Variants in SLC2A9 observed in about 807,000 individuals in gnomAD.
SLC2A9 encodes solute carrier family 2 member 9.
A neutral mutation model predicts 50.6 loss-of-function variants in SLC2A9; 39 were observed. That is an observed-to-expected ratio of 0.77 (90% CI 0.60 to 1.01). The LOEUF is 1.01. Among genes scored for constraint, SLC2A9 ranks in the 50% least tolerant of loss-of-function variants. The pLI is 0.00. For synonymous variants in SLC2A9, 324 were observed against 276.9 expected, an observed-to-expected ratio of 1.17 and a Z score of -1.69; for missense variants, 686 against 677.6, an observed-to-expected ratio of 1.01 and a Z score of -0.14.
chr4:10,033,431 C>A (rs943130460), intron 1 of SLC2A9, among the ~76,000 whole-genome samples: 7 of 152,162 alleles, frequency 4.6e-5, no homozygotes, highest in Non-Finnish European at 7.3e-5. Context: ...CACACTCAAC[C>A]CTCAAAACTT....
intron 7 of SLC2A9, among the ~76,000 whole-genome samples, chr4:9,913,425 G>A (rs1742256673): frequency 6.6e-6 from 1 of 151,956 alleles, no homozygotes; most frequent in Non-Finnish European, 1.5e-5. Context: ...CACAGAGGTG[G>A]CCGCCACAGA....
intron 1 of SLC2A9, among the ~76,000 whole-genome samples, chr4:10,028,484 C>T (rs760837700): frequency 6.0e-4 from 92 of 152,290 alleles, no homozygotes; most frequent in Non-Finnish European, 3.7e-4. Flanking sequence ...TGAGCTCAGG[C>T]GACTGAGTTA....
At chr4:9,890,491 C>T (rs780289392) in intron 9 of SLC2A9, 119 bp downstream of exon 9, 2 of 963,978 alleles carry the variant, frequency 2.1e-6, no homozygotes, top group Admixed American at 2.0e-5. Flanking sequence ...CCGGGGAGAG[C>T]TTTATCACAA....
At chr4:9,818,535 G>A (rs1723951176) in intron 3 of SLC2A9, among the ~76,000 whole-genome samples, 1 of 152,218 alleles carries the variant, frequency 6.6e-6, no homozygotes, top group South Asian at 2.1e-4. Context: ...GGAGTCAGTG[G>A]ATGGAAAATT....
At chr4:9,884,758 T>C (rs1021066694) in intron 10 of SLC2A9, among the ~76,000 whole-genome samples, 2 of 152,018 alleles carry the variant, frequency 1.3e-5, no homozygotes, top group African/African-American at 2.4e-5. Context: ...AGCAAAGACA[T>C]AGAATCAACC....
intron 2 of SLC2A9, among the ~76,000 whole-genome samples, chr4:10,016,349 C>T (rs1437583252): frequency 5.3e-5 from 8 of 152,184 alleles, no homozygotes; most frequent in Non-Finnish European, 5.9e-5. Context: ...CAGTGTGCCT[C>T]AGTTTCGTCA....
At chr4:9,859,068 C>A (rs1731192255) in intron 10 of SLC2A9, among the ~76,000 whole-genome samples, 1 of 152,208 alleles carries the variant, frequency 6.6e-6, no homozygotes, top group Non-Finnish European at 1.5e-5. Context: ...GAAGGGTGCA[C>A]TGTCGGCTTC....
intron 3 of SLC2A9, among the ~76,000 whole-genome samples, chr4:9,816,959 G>C (rs921367485): frequency 1.3e-5 from 2 of 152,142 alleles, no homozygotes; most frequent in South Asian, 2.1e-4. Context: ...ATCTTTAGGG[G>C]ATAATACATT....
intron 10 of SLC2A9, among the ~76,000 whole-genome samples, chr4:9,842,777 G>C (rs1415898296): frequency 6.6e-6 from 1 of 152,114 alleles, no homozygotes; most frequent in African/African-American, 2.4e-5. Flanking sequence ...TTATGTATGT[G>C]GGTCCACTCA....
Position 10,019,025 on chromosome 4 carries a change from AGCCGAAGGC to A in SLC2A9, c.190_198del (p.Ala64_Gly66del). ...AGGTTGTAGCCGTAGAGGAAGGAGG[AGCCGAAGGC>A]GCCCGCGAGGGAGGCCACGAGGAGC... is the stretch of plus-strand genomic sequence containing the variant. On this transcript the variant is annotated inframe_deletion, in exon 2 of 12. Coordinates refer to ENST00000264784, the MANE Select transcript of SLC2A9 (RefSeq NM_020041.3). 6.4e-7 allele frequency: 1 copy of A among 1,550,814 alleles called. No homozygotes were observed. Among genetic ancestry groups the A allele is most frequent in the South Asian group, 1.2e-5 (1 of 84,026 alleles).
intron 10 of SLC2A9, among the ~76,000 whole-genome samples, chr4:9,868,447 C>T (rs978468625): frequency 7.9e-5 from 12 of 152,224 alleles, no homozygotes; most frequent in Admixed American, 5.2e-4. Flanking sequence ...TTTAAAGCAT[C>T]CAGCTAACCA....
intron 3 of SLC2A9, chr4:9,782,315 C>T (rs1458173633): frequency 2.5e-6 from 4 of 1,614,028 alleles, no homozygotes; most frequent in East Asian, 2.2e-5. Context: ...GCTGGTCATG[C>T]CCTGGAAGGC....
chr4:9,857,058 CA>C (rs1730839504), intron 10 of SLC2A9, among the ~76,000 whole-genome samples: 1 of 152,140 alleles, frequency 6.6e-6, no homozygotes, highest in Non-Finnish European at 1.5e-5. Flanking sequence ...ACTCCTGTAA[CA>C]TGCAATTTAC....
At chr4:9,806,164 C>T (rs1382087257) in intron 3 of SLC2A9, among the ~76,000 whole-genome samples, 1 of 152,202 alleles carries the variant, frequency 6.6e-6, no homozygotes, top group East Asian at 1.9e-4. Flanking sequence ...TCAACTGGCC[C>T]CAAAACTGGC....
intron 8 of SLC2A9, among the ~76,000 whole-genome samples, chr4:9,899,130 G>A (rs1739133014): frequency 6.6e-6 from 1 of 152,218 alleles, no homozygotes; most frequent in Non-Finnish European, 1.5e-5. Context: ...GCTGGGGCAA[G>A]ATGTGGCCCA....
rs138027354 is a variant in SLC2A9, at chr4:9,921,779, A to G, written c.815-1207T>C. Reference sequence around the variant, plus strand: ...AATGTTTCTGTTTCATGCATTAAGTATAATATTTCTACTGTTTCCTCAAAG... The same window carrying G: ...AATGTTTCTGTTTCATGCATTAAGTGTAATATTTCTACTGTTTCCTCAAAG... On this transcript the variant is annotated intron_variant, in intron 6 of 11. Transcript: ENST00000264784. Among the ~76,000 whole-genome samples, 705 of 152,364 alleles carry G rather than the reference A, an allele frequency of 4.6e-3. 8 individuals are homozygous for G. Among genetic ancestry groups the G allele is most frequent in the African/African-American group, 0.016 (683 of 41,584 alleles).
At chr4:9,773,072 C>A (rs1350895716) in intron 1 of SLC2A9, among the ~76,000 whole-genome samples, 1 of 152,172 alleles carries the variant, frequency 6.6e-6, no homozygotes, top group African/African-American at 2.4e-5. Flanking sequence ...CAGAGTGCTG[C>A]CTTTCAAAGG....
At chr4:9,807,907 G>C (rs1021815654) in intron 3 of SLC2A9, among the ~76,000 whole-genome samples, 1 of 152,240 alleles carries the variant, frequency 6.6e-6, no homozygotes, top group Non-Finnish European at 1.5e-5. Flanking sequence ...GAAGGTGGAC[G>C]ACATGGTTTC....
chr4:9,963,742 A>G (rs1752646074), intron 5 of SLC2A9, among the ~76,000 whole-genome samples: 1 of 152,084 alleles, frequency 6.6e-6, no homozygotes, highest in African/African-American at 2.4e-5. Context: ...GGGAGGTGGG[A>G]CCCGCATTGT....
Sources: gnomAD v4.1 joint callset for allele counts (sites outside exome capture counted in the v4.1 genomes callset) on GRCh38, gnomAD v4.1.1 for gene constraint, MANE v1.5 for transcripts, NCBI Gene and HGNC (gene_info 2026-07-23, HGNC 2026-07-21) for gene names.